PCDHA4: variants seen among roughly 807,000 people sequenced by gnomAD.
PCDHA4 encodes protocadherin alpha 4, also known as protocadherin alpha-4.
In PCDHA4, 49 loss-of-function variants were observed where a neutral mutation model predicts 61.4. The observed-to-expected ratio is 0.80, with a 90% confidence interval of 0.63 to 1.01. The LOEUF (loss-of-function observed/expected upper bound fraction) is 1.01, where lower values mean the gene tolerates loss of function less well. PCDHA4 is among the 50% of genes least tolerant of loss of function. PCDHA4 has a pLI of 0.00. For synonymous variants in PCDHA4, 590 were observed against 550.3 expected (o/e 1.07, Z -1.01); for missense variants, 1,254 against 1,235.8 (o/e 1.01, Z -0.22).
chr5:140,807,618 A>G lies in PCDHA4; in HGVS notation c.431A>G (p.Glu144Gly), dbSNP rs1177804428. 1 of 1,614,184 alleles carries G rather than the reference A, an allele frequency of 6.2e-7. No individual in the cohort carries two copies. The highest frequency in any genetic ancestry group is 1.7e-5 in the Admixed American group (1 of 60,024). ...ACACAAAAGAACCTGTCCATCGCGGAATCCAGGCCGCTTGACTCTCGGTTT... is the reference window on the plus strand; with the variant it reads ...ACACAAAAGAACCTGTCCATCGCGGGATCCAGGCCGCTTGACTCTCGGTTT... The part of the protein sequence containing the change: ...PATQKNLSIA[E>G]SRPLDSRFPL... Residue 144 changes from glutamate (E) to glycine (G), a missense_variant, in exon 1 of 4, where the codon GAA becomes GGA. Glu to Gly is a moderately conservative substitution (Grantham distance 98, BLOSUM62 -2). Coordinates refer to ENST00000530339, the MANE Select transcript of PCDHA4 (RefSeq NM_018907.4).
chr5:140,809,569 A>G lies in PCDHA4; in HGVS notation c.2382A>G (p.Ala794=). 1 of 1,605,782 alleles carries G rather than the reference A, an allele frequency of 6.2e-7. No individual in the cohort carries two copies. The highest frequency in any genetic ancestry group is 8.5e-7 in the Non-Finnish European group (1 of 1,175,588). The stretch of plus-strand genomic sequence containing the variant: ...TGCAGACAACTGAGGAATCCTTTGC[A>G]AAGGTTAGTGTATAACATCCTTTTG... The part of the protein sequence containing the change: ...DQLQTTEESF[A]KPRQPNPDWR... Residue 794 remains alanine (A), a synonymous_variant, in exon 1 of 4, where the codon GCA becomes GCG. Transcript: ENST00000530339.
At chr5:140,809,629 T>C in intron 1 of PCDHA4, 57 bp downstream of exon 1, 9 of 1,505,976 alleles carry the variant, frequency 6.0e-6, no homozygotes, top group Non-Finnish European at 8.0e-6. Context: ...TATCAACTTC[T>C]TCGTAAATTT....
In PCDHA4 at chr5:140,852,074, T is replaced by A. The variant is rs988130151; in HGVS notation, c.2385+42502T>A. On this transcript the variant is annotated intron_variant, in intron 1 of 3. Coordinates refer to ENST00000530339, the MANE Select transcript of PCDHA4 (RefSeq NM_018907.4). The stretch of plus-strand genomic sequence containing the variant: ...TTTATATTTTTCTTTCTCTTTCAGC[T>A]ATTTTATTTAATATTGTGTCAGATA... The A allele has an allele frequency of 1.4e-4, 130 of 903,068 alleles. 3 individuals carry two copies. Among genetic ancestry groups the A allele is most frequent in the Non-Finnish European group, 1.7e-4 (126 of 741,050 alleles). 55.9% of individuals were successfully genotyped at this position (903,068 alleles called of 1,614,324 possible).
intron 1 of PCDHA4, chr5:140,815,254 C>A (rs1765683212): frequency 2.0e-5 from 3 of 152,030 alleles, no homozygotes. Context: ...AGCTTGTAGA[C>A]TTTTTGCTCC....
intron 1 of PCDHA4, among the ~76,000 whole-genome samples, chr5:140,845,875 A>C: frequency 6.7e-6 from 1 of 149,840 alleles, no homozygotes; most frequent in East Asian, 1.9e-4. Context: ...AAGGCAACCT[A>C]AAATGTCAGA....
At chr5:140,976,060 T>G (rs1554237234) in intron 1 of PCDHA4, among the ~76,000 whole-genome samples, 3 of 152,228 alleles carry the variant, frequency 2.0e-5, no homozygotes. Flanking sequence ...GATAGTAATA[T>G]ATGTCTTACT....
At chr5:140,877,697 C>A in intron 1 of PCDHA4, 2 of 1,613,912 alleles carry the variant, frequency 1.2e-6, no homozygotes, top group Non-Finnish European at 1.7e-6. Context: ...CTGGTGTGCT[C>A]CAGCGCCGTG....
chr5:140,872,165 C>CT (rs781807025), intron 1 of PCDHA4, among the ~76,000 whole-genome samples: 5,631 of 144,184 alleles, frequency 0.039, 139 homozygotes, highest in African/African-American at 0.065. Flanking sequence ...ATTTACTTTT[C>CT]TTTTTTTTTT....
At chr5:140,923,910 C>T (rs1280601799) in intron 1 of PCDHA4, among the ~76,000 whole-genome samples, 5 of 152,156 alleles carry the variant, frequency 3.3e-5, no homozygotes, top group African/African-American at 1.2e-4. Flanking sequence ...GTGAAGATTT[C>T]CCATACTGTT....
chr5:140,934,152 T>C (rs2089672287), intron 1 of PCDHA4, among the ~76,000 whole-genome samples: 1 of 152,190 alleles, frequency 6.6e-6, no homozygotes. Context: ...TATATGTTTA[T>C]ATTTCAGTGT....
chr5:140,886,076 A>C (rs1554182342), intron 1 of PCDHA4, among the ~76,000 whole-genome samples: 3 of 152,198 alleles, frequency 2.0e-5, no homozygotes, highest in African/African-American at 7.2e-5. Flanking sequence ...GGGCCATACC[A>C]CAACCTGGAT....
In PCDHA4 at chr5:140,835,883, C is replaced by T. The variant is rs149268300; in HGVS notation, c.2385+26311C>T. Reference sequence around the variant, plus strand: ...ACTCGCTGGTGGAGCTGCGGGTGGGCGAGCGCGCGCTGTCGAGCTACGTGT... The same window carrying T: ...ACTCGCTGGTGGAGCTGCGGGTGGGTGAGCGCGCGCTGTCGAGCTACGTGT... On this transcript the variant is annotated intron_variant, in intron 1 of 3. Coordinates refer to ENST00000530339, the MANE Select transcript of PCDHA4 (RefSeq NM_018907.4). 5.5e-4 allele frequency: 882 copies of T among 1,611,944 alleles called. 10 individuals carry two copies. In the African/African-American group the frequency reaches 9.6e-3, roughly 17 times the overall value.
intron 1 of PCDHA4, chr5:140,810,853 CAATT>C (rs1394069722): frequency 9.9e-5 from 15 of 152,090 alleles, no homozygotes; most frequent in African/African-American, 3.1e-4. Flanking sequence ...TGATTAAACT[CAATT>C]TATCAATTTT....
intron 3 of PCDHA4, among the ~76,000 whole-genome samples, chr5:141,002,590 C>T (rs183905414): frequency 6.6e-6 from 1 of 152,294 alleles, no homozygotes; most frequent in East Asian, 1.9e-4. Flanking sequence ...AGTCCTTAGT[C>T]CCCTCATCTA....
chr5:140,919,207 T>C (rs1554198972), intron 1 of PCDHA4, among the ~76,000 whole-genome samples: 1 of 152,222 alleles, frequency 6.6e-6, no homozygotes, highest in Non-Finnish European at 1.5e-5. Context: ...CATTATAAAA[T>C]GTCCTTCTTG....
chr5:140,883,506 T>A (rs782204819), intron 1 of PCDHA4: 1 of 1,614,078 alleles, frequency 6.2e-7, no homozygotes, highest in Non-Finnish European at 8.5e-7. Context: ...GACAGCGCCC[T>A]GGACCGCGAG....
rs144770143 is a variant in PCDHA4 at position 140,947,157 on chromosome 5, G to A, written c.2386-31792G>A. Among the ~76,000 whole-genome samples the A allele has an allele frequency of 6.6e-3, 992 of 151,208 alleles. 6 individuals are homozygous for A. The highest frequency in any genetic ancestry group is 0.022 in the African/African-American group (913 of 41,346). ...TAAAATGTATAGTTACTTCCACGGG[G>A]TAGAAAATGTGGTATATATTCATGG... On this transcript the variant is annotated intron_variant, in intron 1 of 3. Transcript: ENST00000530339.
At chr5:140,887,369 T>C (rs782675531) in intron 1 of PCDHA4, among the ~76,000 whole-genome samples, 1 of 152,200 alleles carries the variant, frequency 6.6e-6, no homozygotes, top group Non-Finnish European at 1.5e-5. Context: ...GTGCTGGGAT[T>C]ACAGGTGTGA....
intron 2 of PCDHA4, among the ~76,000 whole-genome samples, chr5:140,979,710 A>C (rs1178718053): frequency 1.3e-5 from 2 of 152,268 alleles, no homozygotes; most frequent in African/African-American, 4.8e-5. Flanking sequence ...GAGGTGATCC[A>C]GTATCCATGC....
Sources: gnomAD v4.1 joint callset for allele counts (sites outside exome capture counted in the v4.1 genomes callset) on GRCh38, gnomAD v4.1.1 for gene constraint, MANE v1.5 for transcripts, NCBI Gene and HGNC (gene_info 2026-07-23, HGNC 2026-07-21) for gene names.